KAT6B: variants seen among roughly 807,000 people sequenced by gnomAD.
KAT6B encodes histone acetyltransferase KAT6B.
Under a neutral mutation model 187.5 loss-of-function variants are expected in KAT6B, and 10 were observed. The ratio of observed to expected loss-of-function variants is 0.05; its 90% CI spans 0.03 to 0.09. The LOEUF (loss-of-function observed/expected upper bound fraction) is 0.09. Ranked by LOEUF, KAT6B falls within the 10% of genes least tolerant of loss-of-function variation. The probability of loss-of-function intolerance (pLI) is 1.00; values close to 1 mark genes in which losing one functional copy is unlikely to be tolerated. For synonymous variants in KAT6B, 861 were observed against 926.8 expected (o/e 0.93, Z 1.29); for missense variants, 1,952 against 2,558.9 (o/e 0.76, Z 5.12).
At chr10:74,830,027 A>C (rs946901379) in intron 1 of KAT6B, among the ~76,000 whole-genome samples, 2 of 151,632 alleles carry the variant, frequency 1.3e-5, no homozygotes, top group Admixed American at 6.6e-5. Context: ...AAAAAAAAAA[A>C]AACAAAAAAA....
intron 3 of KAT6B, among the ~76,000 whole-genome samples, chr10:74,946,056 T>G (rs548436259): frequency 6.6e-6 from 1 of 152,300 alleles, no homozygotes; most frequent in Non-Finnish European, 1.5e-5. Flanking sequence ...ACCGCTAAAG[T>G]CATCTGGGCC....
intron 3 of KAT6B, among the ~76,000 whole-genome samples, chr10:74,897,446 T>C (rs1158351574): frequency 6.6e-6 from 1 of 152,198 alleles, no homozygotes. Flanking sequence ...AAGTGCCCTC[T>C]CCACTGTGGG....
At chr10:75,021,766 G>A in intron 15 of KAT6B, 115 bp from the exon 16 acceptor site, 1 of 1,015,938 alleles carries the variant, frequency 9.8e-7, no homozygotes, top group Non-Finnish European at 1.5e-6. Context: ...AATGTGCTTG[G>A]CTGGCTGGCT....
At chr10:74,914,475 G>C (rs193072755) in intron 3 of KAT6B, among the ~76,000 whole-genome samples, 118 of 152,090 alleles carry the variant, frequency 7.8e-4, no homozygotes, top group Middle Eastern at 3.4e-3. Context: ...TAGTTAATTC[G>C]ATGTTTATCA....
At chr10:74,910,481 T>G (rs1348449909) in intron 3 of KAT6B, among the ~76,000 whole-genome samples, 1 of 152,222 alleles carries the variant, frequency 6.6e-6, no homozygotes, top group Non-Finnish European at 1.5e-5. Context: ...GACTCTGTCT[T>G]GGCTTCTAGA....
chr10:74,911,133 A>G (rs899061141), intron 3 of KAT6B, among the ~76,000 whole-genome samples: 9 of 152,198 alleles, frequency 5.9e-5, no homozygotes, highest in Non-Finnish European at 1.3e-4. Context: ...CACTGCTTGC[A>G]TTCCTCTGGG....
At chr10:74,896,552 A>C (rs994730014) in intron 3 of KAT6B, among the ~76,000 whole-genome samples, 3 of 152,204 alleles carry the variant, frequency 2.0e-5, no homozygotes, top group African/African-American at 7.2e-5. Context: ...GGCCTCCCAA[A>C]GTGCTGGGAT....
chr10:74,906,437 G>A (rs544331736), intron 3 of KAT6B, among the ~76,000 whole-genome samples: 307 of 152,162 alleles, frequency 2.0e-3, no homozygotes, highest in African/African-American at 6.8e-3. Context: ...TTTTTGTCTG[G>A]ATCCTAAATA....
At chr10:74,978,310 A>T (rs909705937) in intron 9 of KAT6B, among the ~76,000 whole-genome samples, 1 of 152,162 alleles carries the variant, frequency 6.6e-6, no homozygotes, top group South Asian at 2.1e-4. Context: ...TCCCCCAGTT[A>T]TTAAGGTTGG....
At chr10:74,881,405 TG>T (rs1564539836) in intron 3 of KAT6B, among the ~76,000 whole-genome samples, 1 of 152,218 alleles carries the variant, frequency 6.6e-6, no homozygotes, top group African/African-American at 2.4e-5. Flanking sequence ...AGTAAGGTGC[TG>T]GCCTGTACCC....
intron 3 of KAT6B, among the ~76,000 whole-genome samples, chr10:74,943,686 T>G (rs928231288): frequency 2.6e-5 from 4 of 152,014 alleles, no homozygotes; most frequent in Non-Finnish European, 5.9e-5. Context: ...ACTAAAACTA[T>G]AAAACTAGAA....
At chr10:74,973,623 A>G (rs769398015) in intron 7 of KAT6B, among the ~76,000 whole-genome samples, 5 of 152,196 alleles carry the variant, frequency 3.3e-5, no homozygotes, top group Non-Finnish European at 7.3e-5. Flanking sequence ...GAAAAATAGT[A>G]TTCTCCCGCA....
At chr10:74,956,645 A>G (rs1275495640) in intron 3 of KAT6B, among the ~76,000 whole-genome samples, 3 of 152,220 alleles carry the variant, frequency 2.0e-5, no homozygotes, top group African/African-American at 4.8e-5. Context: ...ACCTGAACCT[A>G]TGCAACCTTA....
At chr10:74,978,822 A>G (rs1447904758) in intron 9 of KAT6B, among the ~76,000 whole-genome samples, 1 of 152,254 alleles carries the variant, frequency 6.6e-6, no homozygotes, top group Non-Finnish European at 1.5e-5. Context: ...TCTGTAATAA[A>G]TAAGCCTGTG....
In KAT6B at chr10:75,020,896, A is replaced by G. The variant is rs1373782244; in HGVS notation, c.2861+83A>G. 2.0e-5 allele frequency: 24 copies of G among 1,179,386 alleles called. No homozygotes were observed. In the East Asian group the frequency reaches 5.8e-4, roughly 29 times the overall value. The allele number at this position is 1,179,386 out of a possible 1,614,324, so 73.1% of individuals were successfully genotyped here. A position where few individuals can be genotyped will look rare whatever the true frequency, so the allele number is the denominator to read the frequency against. ...CCCTGGAGATAGGTGCATTCATTCC[A>G]GTTAAAGACTGAGGTTCCCTAACAG... On this transcript the variant is annotated intron_variant, in intron 14 of 17. Transcript: ENST00000287239.
intron 3 of KAT6B, among the ~76,000 whole-genome samples, chr10:74,883,655 C>T (rs902409478): frequency 1.3e-5 from 2 of 152,138 alleles, no homozygotes; most frequent in African/African-American, 2.4e-5. Context: ...AATTAAAGCT[C>T]ACTTTATGAT....
intron 13 of KAT6B, among the ~76,000 whole-genome samples, chr10:75,013,690 A>G (rs1844775150): frequency 6.6e-6 from 1 of 152,216 alleles, no homozygotes; most frequent in Admixed American, 6.5e-5. Context: ...GATTACTGTG[A>G]TGCGTCAAGC....
intron 3 of KAT6B, among the ~76,000 whole-genome samples, chr10:74,852,004 G>GGACT (rs1842510549): frequency 6.6e-6 from 1 of 152,082 alleles, no homozygotes; most frequent in Non-Finnish European, 1.5e-5. Context: ...ACTTTATGAA[G>GGACT]GACTATTCAT....
At chr10:74,837,598 T>C (rs142557069) in intron 1 of KAT6B, among the ~76,000 whole-genome samples, 1 of 152,304 alleles carries the variant, frequency 6.6e-6, no homozygotes, top group African/African-American at 2.4e-5. Flanking sequence ...TTGAATGAAT[T>C]ATGCATTTTT....
Sources: gnomAD v4.1 joint callset for allele counts (sites outside exome capture counted in the v4.1 genomes callset) on GRCh38, gnomAD v4.1.1 for gene constraint, MANE v1.5 for transcripts, NCBI Gene and HGNC (gene_info 2026-07-23, HGNC 2026-07-21) for gene names.